The following NELL1 variants were observed in gnomAD, a reference collection of about 807,000 sequenced individuals.
NELL1 encodes neural EGFL like 1, also known as protein kinase C-binding protein NELL1.
A neutral mutation model predicts 107.4 loss-of-function variants in NELL1; 76 were observed. The observed-to-expected ratio is 0.71, with a 90% CI of 0.59 to 0.86. The LOEUF (loss-of-function observed/expected upper bound fraction) is 0.86, where lower values mean the gene tolerates loss of function less well. NELL1 is among the 40% of genes least tolerant of loss of function. The pLI is 0.00. For missense variants in NELL1, 1,024 were observed against 1,005.5 expected, an observed-to-expected ratio of 1.02 and a Z score of -0.25; for synonymous variants, 353 against 341.2, an observed-to-expected ratio of 1.03 and a Z score of -0.38.
At chr11:21,050,073 A>T (rs183254119) in intron 12 of NELL1, among the ~76,000 whole-genome samples, 1 of 152,326 alleles carries the variant, frequency 6.6e-6, no homozygotes, top group East Asian at 1.9e-4. Flanking sequence ...GTGATGGCTA[A>T]TGCTGCATCT....
intron 2 of NELL1, among the ~76,000 whole-genome samples, chr11:20,691,216 A>G (rs1164994443): frequency 3.3e-5 from 5 of 152,092 alleles, no homozygotes; most frequent in African/African-American, 9.7e-5. Flanking sequence ...ATATGCAATC[A>G]TGTCATCTGC....
chr11:21,353,149 T>C (rs1207622291), intron 14 of NELL1, among the ~76,000 whole-genome samples: 1 of 152,192 alleles, frequency 6.6e-6, no homozygotes, highest in Non-Finnish European at 1.5e-5. Flanking sequence ...GGCATCTTGC[T>C]TGATCCCTTC....
chr11:20,761,500 G>A (rs1856420317), intron 2 of NELL1, among the ~76,000 whole-genome samples: 1 of 152,152 alleles, frequency 6.6e-6, no homozygotes, highest in East Asian at 1.9e-4. Flanking sequence ...GAATACCAGG[G>A]TTCATTTTCT....
chr11:21,360,181 C>A (rs1019263944), intron 14 of NELL1, among the ~76,000 whole-genome samples: 1 of 151,936 alleles, frequency 6.6e-6, no homozygotes, highest in Non-Finnish European at 1.5e-5. Flanking sequence ...GATTCTGTTA[C>A]GTTGTGTCAC....
intron 13 of NELL1, among the ~76,000 whole-genome samples, chr11:21,170,655 ATATATATATACTGTAT>A (rs1856584856): frequency 1.3e-5 from 2 of 149,284 alleles, no homozygotes; most frequent in African/African-American, 5.0e-5. Context: ...TCTTTCCAGT[ATATATATATACTGTAT>A]TATATATATA....
At chr11:21,456,895 T>A (rs1203328680) in intron 15 of NELL1, among the ~76,000 whole-genome samples, 1 of 15,684 alleles carries the variant, frequency 6.4e-5, no homozygotes, top group Non-Finnish European at 1.3e-4. Flanking sequence ...AAATGAGGTG[T>A]TTTTTTTCTA....
chr11:21,147,835 T>TA (rs1336676512), intron 13 of NELL1, among the ~76,000 whole-genome samples: 1 of 11,040 alleles, frequency 9.1e-5, no homozygotes, highest in Non-Finnish European at 1.7e-4. Context: ...AAACTCCGTC[T>TA]CAAAAAAAAA....
chr11:21,366,270 A>G (rs534577539), intron 14 of NELL1, among the ~76,000 whole-genome samples: 1 of 152,268 alleles, frequency 6.6e-6, no homozygotes, highest in East Asian at 1.9e-4. Flanking sequence ...AAGTGTCATT[A>G]AAGAAGTAAG....
intron 16 of NELL1, among the ~76,000 whole-genome samples, chr11:21,552,970 G>T (rs1405506367): frequency 6.6e-6 from 1 of 151,812 alleles, no homozygotes. Flanking sequence ...ATGCATGAAA[G>T]GACTTGGAAT....
At chr11:20,730,096 A>G (rs1855597620) in intron 2 of NELL1, among the ~76,000 whole-genome samples, 1 of 152,210 alleles carries the variant, frequency 6.6e-6, no homozygotes, top group African/African-American at 2.4e-5. Context: ...AAGAGGACTA[A>G]TGGCTCACTA....
chr11:21,249,859 C>G (rs1858593242), intron 14 of NELL1, among the ~76,000 whole-genome samples: 2 of 152,100 alleles, frequency 1.3e-5, no homozygotes, highest in Non-Finnish European at 2.9e-5. Flanking sequence ...CCAGAAGAAA[C>G]TAAACTGGAA....
At chr11:21,574,252 AGAT>A (rs1320567621) in intron 19 of NELL1, among the ~76,000 whole-genome samples, 16 of 25,966 alleles carry the variant, frequency 6.2e-4, no homozygotes, top group East Asian at 5.5e-3. Flanking sequence ...TTATAAATGT[AGAT>A]TTTTTTTTTC....
intron 15 of NELL1, among the ~76,000 whole-genome samples, chr11:21,396,423 A>C (rs1851982196): frequency 1.3e-5 from 2 of 151,692 alleles, no homozygotes; most frequent in South Asian, 4.1e-4. Flanking sequence ...AAGAGCAGAC[A>C]CAGGTTTTAT....
intron 4 of NELL1, among the ~76,000 whole-genome samples, chr11:20,853,278 C>T (rs1848823832): frequency 6.6e-6 from 1 of 152,164 alleles, no homozygotes; most frequent in Admixed American, 6.6e-5. Flanking sequence ...AAAGATTTGT[C>T]TTCCATGTTT....
chr11:20,761,425 T>C (rs1024542162), intron 2 of NELL1, among the ~76,000 whole-genome samples: 3 of 152,254 alleles, frequency 2.0e-5, no homozygotes, highest in Non-Finnish European at 4.4e-5. Flanking sequence ...CCAGTGTGCA[T>C]CTGCACAGTA....
intron 12 of NELL1, among the ~76,000 whole-genome samples, chr11:21,068,262 G>A (rs919243978): frequency 6.6e-6 from 1 of 151,828 alleles, no homozygotes; most frequent in Non-Finnish European, 1.5e-5. Flanking sequence ...CATATCATGT[G>A]GTATGTTCAG....
intron 12 of NELL1, among the ~76,000 whole-genome samples, chr11:21,019,038 C>T (rs963520788): frequency 3.3e-5 from 5 of 152,166 alleles, no homozygotes; most frequent in Middle Eastern, 6.8e-3. Context: ...TACTCCCCTG[C>T]GGATGGCAGG....
chr11:20,755,864 GGTTTTTTTTTTT>G (rs1564895266), intron 2 of NELL1, among the ~76,000 whole-genome samples: 3 of 110,816 alleles, frequency 2.7e-5, no homozygotes, highest in East Asian at 2.6e-4. Flanking sequence ...CCAGACCTGC[GGTTTTTTTTTTT>G]TTTTTTTTTT....
In NELL1 at chr11:21,490,155, G is replaced by A. The variant is rs141096374; in HGVS notation, c.1646-44219G>A. Among the ~76,000 whole-genome samples, 21 of 151,956 alleles carry A rather than the reference G, an allele frequency of 1.4e-4. No homozygotes were observed. In the East Asian group the frequency reaches 4.1e-3, roughly 29 times the overall value. On this transcript the variant is annotated intron_variant, in intron 15 of 19. Transcript: ENST00000357134. ...ATTTCTATACAACAATGATGAACTA[G>A]CAGAGGAAAAAAATCAAGAAAGCAA...
Sources: gnomAD v4.1 joint callset for allele counts (sites outside exome capture counted in the v4.1 genomes callset) on GRCh38, gnomAD v4.1.1 for gene constraint, MANE v1.5 for transcripts, NCBI Gene and HGNC (gene_info 2026-07-23, HGNC 2026-07-21) for gene names.